ARK2N: variants seen among roughly 807,000 people sequenced by gnomAD.
ARK2N encodes the protein arkadia (RNF111) N-terminal like PKA signaling regulator 2N.
the ARK2N span, among the ~76,000 whole-genome samples, chr18:46,204,205 C>T: frequency 6.6e-6 from 1 of 150,726 alleles, no homozygotes; most frequent in Non-Finnish European, 1.5e-5. Flanking sequence ...AAATTCTATT[C>T]AAAATACCTT....
chr18:46,175,565 G>A, the ARK2N span, among the ~76,000 whole-genome samples: 1 of 150,818 alleles, frequency 6.6e-6, no homozygotes. Context: ...GATGTCCTGA[G>A]GAGTCTCAGG....
At chr18:46,189,327 A>G in the ARK2N span, among the ~76,000 whole-genome samples, 2 of 152,132 alleles carry the variant, frequency 1.3e-5, no homozygotes, top group East Asian at 3.8e-4. Context: ...TTATGTATGA[A>G]ATGTAGATGT....
the ARK2N span, among the ~76,000 whole-genome samples, chr18:46,244,950 T>C: frequency 2.0e-5 from 3 of 152,054 alleles, no homozygotes; most frequent in African/African-American, 7.2e-5. Context: ...TTGTTGTTGT[T>C]GGAGATGGAT....
the ARK2N span, among the ~76,000 whole-genome samples, chr18:46,230,216 C>T: frequency 6.6e-6 from 1 of 152,168 alleles, no homozygotes; most frequent in Non-Finnish European, 1.5e-5. Flanking sequence ...TGAGGCACCG[C>T]GCCTGGCCTG....
At chr18:46,243,595 C>T in the ARK2N span, among the ~76,000 whole-genome samples, 1 of 152,052 alleles carries the variant, frequency 6.6e-6, no homozygotes, top group African/African-American at 2.4e-5. Flanking sequence ...AAAAGTAAGT[C>T]GAAATTAGAG....
At chr18:46,260,596 A>G in the ARK2N span, among the ~76,000 whole-genome samples, 1 of 152,258 alleles carries the variant, frequency 6.6e-6, no homozygotes, top group Admixed American at 6.5e-5. Context: ...CCTGTCTCCT[A>G]TTCTCTCTCC....
the ARK2N span, among the ~76,000 whole-genome samples, chr18:46,235,769 G>A: frequency 6.6e-6 from 1 of 152,180 alleles, no homozygotes; most frequent in East Asian, 1.9e-4. Context: ...TGTTTGTTTA[G>A]TTTTAAAATC....
At chr18:46,199,469 C>T in the ARK2N span, among the ~76,000 whole-genome samples, 1 of 147,662 alleles carries the variant, frequency 6.8e-6, no homozygotes, top group African/African-American at 2.5e-5. Flanking sequence ...GTGTGTGCCA[C>T]CACACCCAGC....
At chr18:46,227,197 T>C in the ARK2N span, among the ~76,000 whole-genome samples, 100 of 152,302 alleles carry the variant, frequency 6.6e-4, no homozygotes, top group Non-Finnish European at 1.2e-3. Flanking sequence ...AAGTTGCCAC[T>C]TTGGAAAAAA....
the ARK2N span, among the ~76,000 whole-genome samples, chr18:46,220,789 C>T: frequency 6.6e-6 from 1 of 152,142 alleles, no homozygotes; most frequent in Admixed American, 6.5e-5. Context: ...GGTATGAACA[C>T]TTAAGGCTCT....
At chr18:46,227,085 A>G in the ARK2N span, among the ~76,000 whole-genome samples, 1 of 152,210 alleles carries the variant, frequency 6.6e-6, no homozygotes, top group Non-Finnish European at 1.5e-5. Context: ...TTGGGATTAC[A>G]GGCATGAGCC....
chr18:46,255,004 A>T, the ARK2N span, among the ~76,000 whole-genome samples: 1 of 152,004 alleles, frequency 6.6e-6, no homozygotes, highest in Admixed American at 6.6e-5. Flanking sequence ...TTTTCTGGTA[A>T]ATAGGTATAT....
At chr18:46,195,248 T>C in the ARK2N span, among the ~76,000 whole-genome samples, 1 of 149,314 alleles carries the variant, frequency 6.7e-6, no homozygotes, top group African/African-American at 2.4e-5. Flanking sequence ...AATTTTTTCC[T>C]AAATTCTTTT....
the ARK2N span, among the ~76,000 whole-genome samples, chr18:46,196,604 C>T: frequency 2.7e-3 from 416 of 152,238 alleles, 3 homozygotes; most frequent in Non-Finnish European, 2.1e-3. Flanking sequence ...AAGATAATAC[C>T]ACTTGTATTT....
chr18:46,181,266 G>GT, the ARK2N span, among the ~76,000 whole-genome samples: 1 of 151,762 alleles, frequency 6.6e-6, no homozygotes, highest in East Asian at 2.0e-4. Flanking sequence ...CTCTCGGGAG[G>GT]TGGGGGGGGA....
chr18:46,235,481 A>G, the ARK2N span, among the ~76,000 whole-genome samples: 3 of 152,232 alleles, frequency 2.0e-5, no homozygotes, highest in Non-Finnish European at 4.4e-5. Context: ...CAGTGGACCA[A>G]TATTTAAATT....
At chr18:46,203,362 T>A in the ARK2N span, among the ~76,000 whole-genome samples, 2,655 of 152,240 alleles carry the variant, frequency 0.017, 73 homozygotes, top group African/African-American at 0.06. Flanking sequence ...AGAGACATTG[T>A]TGAACTAAAG....
At chr18:46,183,503 C>T in the ARK2N span, among the ~76,000 whole-genome samples, 10 of 152,118 alleles carry the variant, frequency 6.6e-5, no homozygotes, top group Non-Finnish European at 1.5e-5. Flanking sequence ...TGTTGGTGAT[C>T]GTTGCCCAGT....
the ARK2N span, among the ~76,000 whole-genome samples, chr18:46,178,550 A>G: frequency 6.6e-6 from 1 of 152,170 alleles, no homozygotes; most frequent in Non-Finnish European, 1.5e-5. Flanking sequence ...ACCTCGGGTG[A>G]TGCACCACCT....
Sources: allele counts gnomAD v4.1 joint callset (sites outside exome capture counted in the v4.1 genomes callset), GRCh38; gene constraint gnomAD v4.1.1; transcripts MANE v1.5; gene names NCBI Gene and HGNC (gene_info 2026-07-23, HGNC 2026-07-21).